The following ASH1L variants were observed in gnomAD, a reference collection of about 807,000 sequenced individuals.
ASH1L encodes the protein ASH1 like histone lysine methyltransferase.
Under a neutral mutation model 269.0 loss-of-function variants are expected in ASH1L, and 23 were observed. The ratio of observed to expected loss-of-function variants is 0.09; its 90% CI spans 0.06 to 0.12. The LOEUF (loss-of-function observed/expected upper bound fraction) is 0.12. ASH1L is among the 10% of genes least tolerant of loss of function. ASH1L has a pLI of 1.00. For missense variants in ASH1L, 2,912 were observed against 3,567.8 expected, an observed-to-expected ratio of 0.82 and a Z score of 4.68; for synonymous variants, 1,187 against 1,253.5, an observed-to-expected ratio of 0.95 and a Z score of 1.12.
At chr1:155,342,150 C>G (rs750553099) in intron 24 of ASH1L, 48 bp from the exon 25 acceptor site, 3 of 1,590,032 alleles carry the variant, frequency 1.9e-6, no homozygotes, top group South Asian at 1.1e-5. Flanking sequence ...CATTTCTCCC[C>G]CTGAGCTGCC....
intron 3 of ASH1L, among the ~76,000 whole-genome samples, chr1:155,472,253 G>C (rs1269840418): frequency 6.6e-6 from 1 of 152,162 alleles, no homozygotes; most frequent in Admixed American, 6.5e-5. Flanking sequence ...TTACGCCACT[G>C]AACTCTAGCC....
rs114451138 is a variant in ASH1L, at chr1:155,427,777, C to T, written c.5828+10550G>A. Reference sequence around the variant, plus strand: ...GGATGTGCGCCCTGCCCACATCTCACGCTGGAATGTAATCACCAATATTGG... The same window carrying T: ...GGATGTGCGCCCTGCCCACATCTCATGCTGGAATGTAATCACCAATATTGG... On this transcript the variant is annotated intron_variant, in intron 5 of 27. Coordinates refer to ENST00000392403, the MANE Select transcript of ASH1L (RefSeq NM_018489.3). 2.6e-3 allele frequency among the ~76,000 whole-genome samples: 390 copies of T among 152,236 alleles called. 2 individuals carry two copies. Among genetic ancestry groups the T allele is most frequent in the African/African-American group, 8.8e-3 (367 of 41,566 alleles).
At chr1:155,396,457 G>C (rs1353913315) in intron 6 of ASH1L, 1 of 151,982 alleles carries the variant, frequency 6.6e-6, no homozygotes, top group East Asian at 2.0e-4. Context: ...TGGGATTACA[G>C]GCATGCGGCA....
At chr1:155,407,861 A>G (rs868656183) in intron 6 of ASH1L, among the ~76,000 whole-genome samples, 1 of 152,166 alleles carries the variant, frequency 6.6e-6, no homozygotes, top group Non-Finnish European at 1.5e-5. Flanking sequence ...TTAAAAAAAA[A>G]AAATTGTATT....
chr1:155,345,246 T>C (rs1350947639), intron 21 of ASH1L, among the ~76,000 whole-genome samples: 1 of 140,852 alleles, frequency 7.1e-6, no homozygotes, highest in Non-Finnish European at 1.5e-5. Flanking sequence ...AGTGGCGTGA[T>C]CTTGGCTCAT....
At chr1:155,367,571 G>C (rs2148406404) in intron 12 of ASH1L, among the ~76,000 whole-genome samples, 1 of 152,048 alleles carries the variant, frequency 6.6e-6, no homozygotes, top group South Asian at 2.1e-4. Context: ...TATGTATAAT[G>C]GTAGCTAAAG....
At position 155,349,533 on chromosome 1, in the gene ASH1L, T is replaced by C. The variant is rs770649699; in HGVS notation, c.7421+9A>G. The C allele has an allele frequency of 3.1e-6, 5 of 1,613,874 alleles. No individual in the cohort carries two copies. In the East Asian group the frequency reaches 8.9e-5, roughly 29 times the overall value. ...AAAACTCAGATGATTCCCACAAATG[T>C]GAACCTACTTTTTCTTTGGGGGAAG... is the stretch of plus-strand genomic sequence containing the variant. On this transcript the variant is annotated intron_variant, in intron 18 of 27. Transcript: ENST00000392403.
chr1:155,496,284 A>G (rs571613228), intron 2 of ASH1L, among the ~76,000 whole-genome samples: 13 of 152,354 alleles, frequency 8.5e-5, no homozygotes, highest in African/African-American at 3.1e-4. Flanking sequence ...TCATTAGGTG[A>G]CAGGAATTTT....
chr1:155,379,323 G>A (rs867706750), intron 8 of ASH1L, among the ~76,000 whole-genome samples: 4 of 152,258 alleles, frequency 2.6e-5, no homozygotes, highest in Middle Eastern at 3.4e-3. Flanking sequence ...ATTCAAGAGA[G>A]GCCATTGGAG....
At chr1:155,398,354 A>G (rs1472927862) in intron 6 of ASH1L, among the ~76,000 whole-genome samples, 2 of 152,182 alleles carry the variant, frequency 1.3e-5, no homozygotes, top group Admixed American at 6.6e-5. Flanking sequence ...ACTTACACAA[A>G]CCTAGATGGT....
Position 155,343,156 on chromosome 1 carries a change from C to T in ASH1L, c.8293+158G>A. The T allele has an allele frequency of 1.4e-6, 1 of 699,284 alleles. No individual in the cohort carries two copies. The highest frequency in any genetic ancestry group is 2.8e-5 in the East Asian group (1 of 36,244). 43.3% of individuals were successfully genotyped at this position (699,284 alleles called of 1,614,324 possible). ...GGACTACAGGCCTACACTGCCATGC[C>T]CAGCTACAGAGGCAGAGTTTTGCCA... is the stretch of plus-strand genomic sequence containing the variant. On this transcript the variant is annotated intron_variant, in intron 24 of 27. Coordinates refer to ENST00000392403, the MANE Select transcript of ASH1L (RefSeq NM_018489.3). The surrounding 1 kb of genome is among the most constrained non-coding windows in gnomAD (Gnocchi z 6.1).
intron 3 of ASH1L, among the ~76,000 whole-genome samples, chr1:155,476,785 C>T (rs1380456830): frequency 6.6e-6 from 1 of 151,918 alleles, no homozygotes; most frequent in Non-Finnish European, 1.5e-5. Context: ...GATCTCTTGA[C>T]CTCATGATCC....
At chr1:155,463,935 G>T (rs913996029) in intron 3 of ASH1L, among the ~76,000 whole-genome samples, 6 of 152,160 alleles carry the variant, frequency 3.9e-5, no homozygotes, top group Non-Finnish European at 7.3e-5. Context: ...GGCACCTCCA[G>T]GGCTGGTAGG....
At chr1:155,472,265 G>A (rs1327234123) in intron 3 of ASH1L, among the ~76,000 whole-genome samples, 1 of 152,134 alleles carries the variant, frequency 6.6e-6, no homozygotes, top group African/African-American at 2.4e-5. Context: ...ACTCTAGCCT[G>A]GATGACAGAG....
rs1668892865 is a variant in ASH1L at position 155,521,612 on chromosome 1, T to A, written c.-93A>T. ...GGATCTCCAAAACTCGAAACCAGCA[T>A]CTTTCTCTGCAGAACAGATCATAAC... On this transcript the variant is annotated 5_prime_UTR_variant, in exon 2 of 28. The change abolishes an upstream ATG in the 5' untranslated region. Coordinates refer to ENST00000392403, the MANE Select transcript of ASH1L (RefSeq NM_018489.3). The A allele has an allele frequency of 3.2e-6, 4 of 1,231,846 alleles. No homozygotes were observed. In the African/African-American group the frequency reaches 4.5e-5, roughly 14 times the overall value. 76.3% of individuals were successfully genotyped at this position (1,231,846 alleles called of 1,614,324 possible).
chr1:155,407,192 C>T (rs1238974176), intron 6 of ASH1L, among the ~76,000 whole-genome samples: 1 of 151,888 alleles, frequency 6.6e-6, no homozygotes, highest in Non-Finnish European at 1.5e-5. Flanking sequence ...CACTGCACTC[C>T]AGCCTGGGAG....
At position 155,338,212 on chromosome 1, in the gene ASH1L, T is replaced by C. The variant is rs763405486; in HGVS notation, c.8680A>G (p.Lys2894Glu). ...ATANVSEGEK[K>E]TEESSQEPQS... ...GGTTCTTGACTACTTTCCTCTGTTT[T>C]TTTTTCACCCTCACTGACGTTAGCA... Residue 2894 changes from lysine (K) to glutamate (E), a missense_variant, in exon 27 of 28, where the codon AAA (lysine) becomes GAA (glutamate). Transcript: ENST00000392403. 24 of 1,614,144 alleles carry C rather than the reference T, an allele frequency of 1.5e-5. No homozygotes were observed. The South Asian group carries it at 2.6e-4, about 18-fold the overall frequency.
rs1448620244 is a variant in ASH1L at position 155,346,142 on chromosome 1, T to TA, written c.7890+240dup. 5 of 1,399,688 alleles carry TA rather than the reference T, an allele frequency of 3.6e-6. No homozygotes were observed. In the Admixed American group the frequency reaches 1.1e-4, roughly 30 times the overall value. The allele number at this position is 1,399,688 out of a possible 1,614,324, so 86.7% of individuals were successfully genotyped here. A position where few individuals can be genotyped will look rare whatever the true frequency, so the allele number is the denominator to read the frequency against. ...AGCGACCGTGCCCGGCCAAAAACCT[T>TA]AGTTTTATATAGTGCCATTCCTTCC... On this transcript the variant is annotated intron_variant, in intron 21 of 27. Transcript: ENST00000392403.
Position 155,378,379 on chromosome 1 carries a change from A to G in ASH1L, c.6234T>C (p.Val2078=), listed in dbSNP as rs771096033. ...CGTAACCAGAAAGGGGTTTGACATC[A>G]ACGTAGACATCTTGAAAAGAAAGCA... ...LYKKIRSNVY[V]DVKPLSGYEA... The change falls in exon 10 of 28, where the codon GTT becomes GTC. Residue 2078 remains valine, a synonymous_variant. Coordinates refer to ENST00000392403, the MANE Select transcript of ASH1L (RefSeq NM_018489.3). 9.3e-6 allele frequency: 15 copies of G among 1,613,946 alleles called. No homozygotes were observed. Among genetic ancestry groups the G allele is most frequent in the African/African-American group, 2.7e-5 (2 of 74,944 alleles).
Sources: allele counts gnomAD v4.1 joint callset (sites outside exome capture counted in the v4.1 genomes callset), GRCh38; gene constraint gnomAD v4.1.1; non-coding constraint Gnocchi (gnomAD v3.1); transcripts MANE v1.5; gene names NCBI Gene and HGNC (gene_info 2026-07-23, HGNC 2026-07-21).